Variants in KCNN2 observed in about 807,000 individuals in gnomAD.
KCNN2 encodes potassium calcium-activated channel subfamily N member 2.
Under a neutral mutation model 55.5 loss-of-function variants are expected in KCNN2, and 24 were observed. The observed-to-expected ratio is 0.43, with a 90% CI of 0.31 to 0.61. KCNN2 has a LOEUF of 0.61. KCNN2 is among the 20% of genes least tolerant of loss of function. KCNN2 has a pLI of 0.08. For missense variants in KCNN2, 754 were observed against 853.6 expected (o/e 0.88, Z 1.45); for synonymous variants, 431 against 336.1 (o/e 1.28, Z -3.09).
chr5:114,116,132 A>G (rs1359728525), intron 1 of KCNN2, among the ~76,000 whole-genome samples: 1 of 152,040 alleles, frequency 6.6e-6, no homozygotes, highest in African/African-American at 2.4e-5. Flanking sequence ...GTGGTAGTGG[A>G]ATGCTTCCAC....
intron 2 of KCNN2, among the ~76,000 whole-genome samples, chr5:114,340,606 T>C (rs1756997557): frequency 6.6e-6 from 1 of 152,142 alleles, no homozygotes; most frequent in South Asian, 2.1e-4. Context: ...TGTGAAATAG[T>C]TACAACAGTA....
Position 114,312,764 on chromosome 5 carries a change from C to T in KCNN2, c.-184-48181C>T, listed in dbSNP as rs540359783. On this transcript the variant is annotated intron_variant, in intron 2 of 10. Coordinates refer to the KCNN2 transcript ENST00000512097. ...ACTTGACATAATTTCCTAGCAACCT[C>T]CCAGTTTTCAAGGCAATGTTTATTT... Among the ~76,000 whole-genome samples, 5 of 152,040 alleles carry T rather than the reference C, an allele frequency of 3.3e-5. No homozygotes were observed. The East Asian group carries it at 9.7e-4, about 29-fold the overall frequency.
At chr5:114,222,926 A>G (rs909084820) in intron 2 of KCNN2, among the ~76,000 whole-genome samples, 1 of 152,128 alleles carries the variant, frequency 6.6e-6, no homozygotes, top group African/African-American at 2.4e-5. Context: ...GTATTTGTTT[A>G]TATTTAAACG....
At chr5:114,373,858 A>G (rs1291664517) in intron 2 of KCNN2, among the ~76,000 whole-genome samples, 1 of 150,718 alleles carries the variant, frequency 6.6e-6, no homozygotes, top group East Asian at 2.0e-4. Flanking sequence ...TGGCCATTCA[A>G]GCAGTCTTTA....
intron 1 of KCNN2, among the ~76,000 whole-genome samples, chr5:114,098,162 A>G (rs532286980): frequency 6.6e-6 from 1 of 151,916 alleles, no homozygotes; most frequent in Admixed American, 6.6e-5. Context: ...ACTTTCCTAC[A>G]TCCCTCTTTT....
rs1019719478 is a variant in KCNN2 at position 114,362,749 on chromosome 5, G to C, written c.610G>C (p.Glu204Gln). ...GCACCACCAGCCCCAGGCGCGCCGC[G>C]AGAGCAACCCCTTCACCGAAATAGC... Reference protein sequence around the residue: ...HQHHQPQARRESNPFTEIAMS... With the variant: ...HQHHQPQARRQSNPFTEIAMS... The change falls in exon 1 of 8, where the codon GAG (glutamate) becomes CAG (glutamine). Residue 204 changes from glutamate (E) to glutamine (Q), a missense_variant. Transcript: ENST00000673685. 6.5e-7 allele frequency: 1 copy of C among 1,547,186 alleles called. No individual in the cohort carries two copies. The highest frequency in any genetic ancestry group is 1.7e-4 in the Middle Eastern group (1 of 5,784).
intron 1 of KCNN2, among the ~76,000 whole-genome samples, chr5:114,219,089 T>A (rs1291172009): frequency 5.9e-5 from 9 of 152,250 alleles, no homozygotes; most frequent in Admixed American, 5.9e-4. Flanking sequence ...TTCAGCCAGC[T>A]GCTTTTGGGC....
chr5:114,358,784 T>G (rs994367444), upstream of KCNN2, among the ~76,000 whole-genome samples: 2 of 152,198 alleles, frequency 1.3e-5, no homozygotes, highest in Non-Finnish European at 2.9e-5. Flanking sequence ...TTCATTTAAC[T>G]TTACATGTTA....
intron 1 of KCNN2, among the ~76,000 whole-genome samples, chr5:114,184,966 T>C (rs1296700425): frequency 2.0e-5 from 3 of 152,062 alleles, no homozygotes; most frequent in Non-Finnish European, 4.4e-5. Flanking sequence ...GTTTTAATTA[T>C]AAGTAGCCAT....
intron 3 of KCNN2, among the ~76,000 whole-genome samples, chr5:114,405,696 T>TTTTTG (rs1226850222): frequency 2.8e-5 from 4 of 144,890 alleles, no homozygotes; most frequent in Admixed American, 7.0e-5. Flanking sequence ...TTTGTAGTTT[T>TTTTTG]TTTTGTTTTG....
chr5:114,091,154 T>A (rs1279042319), intron 1 of KCNN2, among the ~76,000 whole-genome samples: 2 of 152,132 alleles, frequency 1.3e-5, no homozygotes, highest in Non-Finnish European at 2.9e-5. Context: ...GCCCTAGAGT[T>A]CCAGGAAGGC....
At position 114,152,926 on chromosome 5, in the gene KCNN2, G is replaced by A. The variant is rs116547204; in HGVS notation, c.-270-68554G>A. The stretch of plus-strand genomic sequence containing the variant: ...TAGGATGAGGCAAAAAGCATGAGAA[G>A]CCTTGATGGAGTAATCTGAAAGGGA... On this transcript the variant is annotated intron_variant, in intron 1 of 10. Coordinates refer to the KCNN2 transcript ENST00000512097. Among the ~76,000 whole-genome samples the A allele has an allele frequency of 4.8e-3, 724 of 152,278 alleles. 7 individuals are homozygous for A. Among genetic ancestry groups the A allele is most frequent in the Middle Eastern group, 0.01 (3 of 294 alleles).
chr5:114,274,816 A>G (rs1207126791), intron 2 of KCNN2, among the ~76,000 whole-genome samples: 1 of 152,184 alleles, frequency 6.6e-6, no homozygotes, highest in East Asian at 1.9e-4. Context: ...TCCTATTTGA[A>G]TACCCTTTAT....
At chr5:114,317,006 T>C (rs1014819466) in intron 2 of KCNN2, among the ~76,000 whole-genome samples, 1 of 152,236 alleles carries the variant, frequency 6.6e-6, no homozygotes, top group African/African-American at 2.4e-5. Flanking sequence ...CAGCAAGTGC[T>C]TTCCAGAAGG....
chr5:114,420,922 AAAT>A (rs1411094318), intron 3 of KCNN2, among the ~76,000 whole-genome samples: 2 of 152,146 alleles, frequency 1.3e-5, no homozygotes, highest in Admixed American at 6.5e-5. Context: ...AGTTAGGTAA[AAAT>A]AATATTCCCC....
At chr5:114,239,113 G>T (rs546792246) in intron 2 of KCNN2, among the ~76,000 whole-genome samples, 1 of 152,302 alleles carries the variant, frequency 6.6e-6, no homozygotes, top group Admixed American at 6.5e-5. Context: ...ATGCTCTTTG[G>T]AGGGTAATTC....
intron 3 of KCNN2, among the ~76,000 whole-genome samples, chr5:114,414,852 C>T (rs1759257410): frequency 6.6e-6 from 1 of 152,108 alleles, no homozygotes; most frequent in African/African-American, 2.4e-5. Flanking sequence ...ACCGTAAACT[C>T]CATCTATTTA....
chr5:114,073,241 C>T (rs1416707967), intron 1 of KCNN2, among the ~76,000 whole-genome samples: 1 of 152,206 alleles, frequency 6.6e-6, no homozygotes, highest in Non-Finnish European at 1.5e-5. Context: ...ATAGCATTCC[C>T]TCTGATGCCG....
chr5:114,472,479 A>C (rs1040139183), intron 4 of KCNN2, among the ~76,000 whole-genome samples: 2 of 152,166 alleles, frequency 1.3e-5, no homozygotes, highest in Admixed American at 6.5e-5. Flanking sequence ...TCAGTACTTC[A>C]TCTATCTCTG....
Sources: gnomAD v4.1 joint callset for allele counts (sites outside exome capture counted in the v4.1 genomes callset) on GRCh38, gnomAD v4.1.1 for gene constraint, MANE v1.5 for transcripts, NCBI Gene and HGNC (gene_info 2026-07-23, HGNC 2026-07-21) for gene names.